Variants in ATAD5 observed in about 807,000 individuals in gnomAD.
ATAD5 encodes the protein ATPase family AAA domain-containing protein 5.
A neutral mutation model predicts 176.9 loss-of-function variants in ATAD5; 58 were observed. The observed-to-expected ratio is 0.33, with a 90% CI of 0.27 to 0.41. The LOEUF (loss-of-function observed/expected upper bound fraction) is 0.41. ATAD5 is among the 10% of genes least tolerant of loss of function. ATAD5 has a pLI of 1.00. For synonymous variants in ATAD5, 640 were observed against 712.6 expected (o/e 0.90, Z 1.62); for missense variants, 1,789 against 2,094.1 (o/e 0.85, Z 2.84).
In ATAD5 at chr17:30,868,344, A is replaced by G. The variant is rs760846475; in HGVS notation, c.3245A>G (p.Asp1082Gly). Reference sequence around the variant, plus strand: ...TTTTCTTGTGGCAGTTGGTTGAAAGACTGGAAAAGAAGAGCTGAATTGGAA... The same window carrying G: ...TTTTCTTGTGGCAGTTGGTTGAAAGGCTGGAAAAGAAGAGCTGAATTGGAA... ...AIKKLHSWLKDWKRRAELEER... is the reference protein window; with the variant it reads ...AIKKLHSWLKGWKRRAELEER... Residue 1082 changes from aspartate to glycine, a missense_variant, in exon 12 of 23, where the codon GAC (aspartate) becomes GGC (glycine). By Grantham distance (94) the Asp-to-Gly change is moderately conservative. Coordinates refer to ENST00000321990, the MANE Select transcript of ATAD5 (RefSeq NM_024857.5). The G allele has an allele frequency of 8.9e-6, 14 of 1,580,914 alleles. No homozygotes were observed. In the African/African-American group the frequency reaches 1.8e-4, roughly 20 times the overall value.
Position 30,838,483 on chromosome 17 carries a change from T to A in ATAD5, c.2076+1169T>A, listed in dbSNP as rs534043943. 1.7e-4 allele frequency among the ~76,000 whole-genome samples: 26 copies of A among 152,324 alleles called. 1 individual carries two copies. In the South Asian group the frequency reaches 5.4e-3, roughly 32 times the overall value. Reference sequence around the variant, plus strand: ...ATAGATGAAGAAACTTGCTGTTAGTTCATAGGGTGAGGAAACGTGTTTTTA... The same window carrying A: ...ATAGATGAAGAAACTTGCTGTTAGTACATAGGGTGAGGAAACGTGTTTTTA... On this transcript the variant is annotated intron_variant, in intron 3 of 22. Transcript: ENST00000321990.
At chr17:30,863,260 A>C (rs996333180) in intron 10 of ATAD5, among the ~76,000 whole-genome samples, 1 of 152,042 alleles carries the variant, frequency 6.6e-6, no homozygotes, top group Non-Finnish European at 1.5e-5. Flanking sequence ...TGGTAGCATG[A>C]TCTGGACTCA....
chr17:30,891,333 C>G (rs1471893509), intron 19 of ATAD5, among the ~76,000 whole-genome samples: 1 of 152,086 alleles, frequency 6.6e-6, no homozygotes, highest in African/African-American at 2.4e-5. Flanking sequence ...CATTTCCATG[C>G]TTAGTGGTGA....
chr17:30,860,427 A>G lies in ATAD5; in HGVS notation c.2957-6A>G. On this transcript the variant is annotated splice_region_variant and splice_polypyrimidine_tract_variant and intron_variant, in intron 9 of 22. Transcript: ENST00000321990. ...AGCACATGCACTTCTTTAATTCCCA[A>G]AGCAGAACTGGAGGCTGATGTCAGC... is the stretch of plus-strand genomic sequence containing the variant. 6.3e-7 allele frequency: 1 copy of G among 1,582,168 alleles called. No homozygotes were observed. Among genetic ancestry groups the G allele is most frequent in the Middle Eastern group, 1.7e-4 (1 of 5,978 alleles).
intron 3 of ATAD5, among the ~76,000 whole-genome samples, chr17:30,838,384 T>TA: frequency 6.6e-6 from 1 of 152,346 alleles, no homozygotes; most frequent in Non-Finnish European, 1.5e-5. Context: ...TTTGGCATCT[T>TA]ACCACATTCT....
chr17:30,846,364 AAT>A (rs972696520), intron 6 of ATAD5, among the ~76,000 whole-genome samples: 4 of 151,918 alleles, frequency 2.6e-5, no homozygotes, highest in Admixed American at 6.6e-5. Flanking sequence ...TCCATATAAT[AAT>A]ATGTGCCCAT....
intron 14 of ATAD5, 88 bp downstream of exon 14, chr17:30,869,734 ATTTT>A: frequency 7.0e-7 from 1 of 1,427,214 alleles, no homozygotes; most frequent in Non-Finnish European, 9.5e-7. Flanking sequence ...TTTGCCATTT[ATTTT>A]TTATCTTCTA....
rs975489505 is a variant in ATAD5 at position 30,835,751 on chromosome 17, A to G, written c.1670A>G (p.Asn557Ser). The change falls in exon 2 of 23, where the codon AAC becomes AGC. Residue 557 changes from asparagine (N) to serine (S), a missense_variant. Asn to Ser is a conservative substitution (Grantham distance 46). This residue lies in a region of ATAD5 where 696 missense variants were observed against 712.5 expected (regional missense o/e 0.98). Coordinates refer to ENST00000321990, the MANE Select transcript of ATAD5 (RefSeq NM_024857.5). ...DDLLKVSSLC[N>S]NNKLSRKTSI... The stretch of plus-strand genomic sequence containing the variant: ...CTTCTAAAGGTTTCCTCTCTGTGTA[A>G]CAATAATAAATTGTCAAGAAAAACC... The G allele has an allele frequency of 1.9e-6, 3 of 1,613,670 alleles. No individual in the cohort carries two copies. The highest frequency in any genetic ancestry group is 3.3e-5 in the Admixed American group (2 of 59,902).
At position 30,858,254 on chromosome 17, in the gene ATAD5, T is replaced by C; in HGVS notation, c.2887T>C (p.Tyr963His). ...WSNPEFSLKK[Y>H]FPLLLKKQIE... ...AAATCCTGAATTTTCATTGAAAAAA[T>C]ATTTTCCCTTACTCCTAAAAAAACA... Residue 963 changes from tyrosine to histidine, a missense_variant, in exon 9 of 23, where the codon TAT (tyrosine) becomes CAT (histidine). This residue lies in a region of ATAD5 where 487 missense variants were observed against 573.6 expected (regional missense o/e 0.85). Transcript: ENST00000321990. The C allele has an allele frequency of 6.3e-7, 1 of 1,598,246 alleles. No homozygotes were observed. The highest frequency in any genetic ancestry group is 1.1e-5 in the South Asian group (1 of 87,704).
At chr17:30,856,367 C>T (rs1907294363) in intron 7 of ATAD5, among the ~76,000 whole-genome samples, 1 of 152,182 alleles carries the variant, frequency 6.6e-6, no homozygotes, top group Non-Finnish European at 1.5e-5. Context: ...TAGTAAGTGG[C>T]AGAGGTTGGG....
rs761221007 is a variant in ATAD5 at position 30,835,473 on chromosome 17, C to T, written c.1392C>T (p.His464=). 1.9e-5 allele frequency: 30 copies of T among 1,609,208 alleles called. No individual in the cohort carries two copies. In the South Asian group the frequency reaches 1.9e-4, roughly 10 times the overall value. The change falls in exon 2 of 23, where the codon CAC becomes CAT. Residue 464 remains histidine (H), a synonymous_variant. Transcript: ENST00000321990. ...CAAAAAATGGCAATTTACAGTTACA[C>T]ACTGATAAAGGAAGTTTTCTGAAGG... The part of the protein sequence containing the change: ...MVSKNGNLQL[H]TDKGSFLKEK...
intron 4 of ATAD5, among the ~76,000 whole-genome samples, chr17:30,841,269 TA>T (rs1906095546): frequency 6.6e-6 from 1 of 152,104 alleles, no homozygotes; most frequent in South Asian, 2.1e-4. Flanking sequence ...CTTGGCCTAC[TA>T]GGGTGCCAGC....
At chr17:30,842,176 G>A (rs535529694) in intron 4 of ATAD5, among the ~76,000 whole-genome samples, 181 of 152,164 alleles carry the variant, frequency 1.2e-3, no homozygotes, top group African/African-American at 4.1e-3. Flanking sequence ...GGCTGAGGCA[G>A]AAGAATCACT....
chr17:30,861,302 C>T (rs551819588), intron 10 of ATAD5, among the ~76,000 whole-genome samples: 9 of 150,240 alleles, frequency 6.0e-5, no homozygotes, highest in African/African-American at 1.2e-4. Context: ...CTGGTAAATT[C>T]GAGTTTTTCC....
chr17:30,884,424 CTTTTTTT>C (rs61664127), intron 18 of ATAD5, among the ~76,000 whole-genome samples: 6 of 80,982 alleles, frequency 7.4e-5, no homozygotes, highest in Admixed American at 4.4e-4. Context: ...CTTTTCTTTT[CTTTTTTT>C]TTTTTTTTTT....
intron 11 of ATAD5, 75 bp from the exon 12 acceptor site, chr17:30,868,258 G>C: frequency 8.1e-7 from 1 of 1,235,942 alleles, no homozygotes; most frequent in Non-Finnish European, 1.1e-6. Flanking sequence ...AACTTCCCCC[G>C]ATAATCATTT....
In ATAD5 at chr17:30,835,742, C is replaced by G. The variant is rs1460382442; in HGVS notation, c.1661C>G (p.Ser554Cys). The G allele has an allele frequency of 1.2e-6, 2 of 1,613,468 alleles. No homozygotes were observed. The highest frequency in any genetic ancestry group is 1.7e-6 in the Non-Finnish European group (2 of 1,179,828). ...IANDDLLKVS[S>C]LCNNNKLSRK... ...AATGATGACCTTCTAAAGGTTTCCT[C>G]TCTGTGTAACAATAATAAATTGTCA... is the stretch of plus-strand genomic sequence containing the variant. Residue 554 changes from serine (S) to cysteine (C), a missense_variant, in exon 2 of 23, where the codon TCT becomes TGT. Transcript: ENST00000321990.
At chr17:30,882,069 C>G (rs1909054844) in intron 18 of ATAD5, among the ~76,000 whole-genome samples, 2 of 151,876 alleles carry the variant, frequency 1.3e-5, no homozygotes, top group Non-Finnish European at 2.9e-5. Context: ...AGATGAGCCT[C>G]AACATTGAGA....
At chr17:30,870,962 A>T (rs545623561) in intron 14 of ATAD5, among the ~76,000 whole-genome samples, 1 of 151,938 alleles carries the variant, frequency 6.6e-6, no homozygotes, top group African/African-American at 2.4e-5. Context: ...AGTTGATAAA[A>T]TTTCAACCAG....
Sources: allele counts gnomAD v4.1 joint callset (sites outside exome capture counted in the v4.1 genomes callset), GRCh38; gene constraint gnomAD v4.1.1; regional missense constraint gnomAD v4.1.1; transcripts MANE v1.5; gene names NCBI Gene and HGNC (gene_info 2026-07-23, HGNC 2026-07-21).